The following CCDC73 variants were observed in gnomAD, a reference collection of about 807,000 sequenced individuals.
CCDC73 encodes coiled-coil domain containing 73, also known as coiled-coil domain-containing protein 73.
A neutral mutation model predicts 116.5 loss-of-function variants in CCDC73; 95 were observed. The ratio of observed to expected loss-of-function variants is 0.82; its 90% CI spans 0.69 to 0.97. The LOEUF (loss-of-function observed/expected upper bound fraction) is 0.97. Ranked by LOEUF, CCDC73 falls within the 50% of genes least tolerant of loss-of-function variation. CCDC73 has a pLI of 0.00. For missense variants in CCDC73, 1,066 were observed against 1,206.8 expected (o/e 0.88, Z 1.73); for synonymous variants, 398 against 401.3 (o/e 0.99, Z 0.10).
chr11:32,826,330 A>G, the CCDC73 span, among the ~76,000 whole-genome samples: 1 of 152,234 alleles, frequency 6.6e-6, no homozygotes, highest in South Asian at 2.1e-4. Context: ...ATAAAGTTGC[A>G]TCTCTTCAAG....
intron 2 of CCDC73, among the ~76,000 whole-genome samples, chr11:32,746,844 T>C (rs1401724045): frequency 6.6e-6 from 1 of 152,176 alleles, no homozygotes; most frequent in African/African-American, 2.4e-5. Context: ...TTCAAGGTTT[T>C]TTGCTTCCTT....
intron 6 of CCDC73, among the ~76,000 whole-genome samples, chr11:32,694,958 T>C (rs1221489175): frequency 6.6e-6 from 1 of 152,190 alleles, no homozygotes; most frequent in African/African-American, 2.4e-5. Flanking sequence ...GCTGGGAAGA[T>C]GCAACTGTTG....
At chr11:32,769,158 T>A (rs1017868001) in intron 1 of CCDC73, among the ~76,000 whole-genome samples, 1 of 152,232 alleles carries the variant, frequency 6.6e-6, no homozygotes, top group Non-Finnish European at 1.5e-5. Flanking sequence ...TAGTATTACG[T>A]TGAAGATATA....
At chr11:32,632,373 G>T (rs760939664) in intron 14 of CCDC73, among the ~76,000 whole-genome samples, 2 of 152,072 alleles carry the variant, frequency 1.3e-5, no homozygotes, top group Admixed American at 6.5e-5. Flanking sequence ...CTACAGGCGC[G>T]TGCCACCATG....
intron 3 of CCDC73, among the ~76,000 whole-genome samples, chr11:32,711,314 CATT>C (rs1165199342): frequency 2.6e-5 from 4 of 152,118 alleles, no homozygotes; most frequent in African/African-American, 9.7e-5. Context: ...GAAAAGAAGT[CATT>C]ATACCAAAAA....
chr11:32,798,872 GGGTTTTTGTTT>G (rs1306362399), upstream of CCDC73, among the ~76,000 whole-genome samples: 1 of 150,014 alleles, frequency 6.7e-6, no homozygotes, highest in Admixed American at 6.7e-5. Flanking sequence ...CAAAGTCTGT[GGGTTTTTGTTT>G]GGTTTTTGCG....
At chr11:32,730,918 C>T (rs1850071246) in intron 2 of CCDC73, among the ~76,000 whole-genome samples, 1 of 152,116 alleles carries the variant, frequency 6.6e-6, no homozygotes, top group Non-Finnish European at 1.5e-5. Flanking sequence ...GCTTGTCGGA[C>T]AGTAAGTGCA....
intron 2 of CCDC73, among the ~76,000 whole-genome samples, chr11:32,723,043 T>G (rs1460548494): frequency 6.6e-6 from 1 of 152,182 alleles, no homozygotes; most frequent in East Asian, 1.9e-4. Context: ...CAGAACAGTA[T>G]GGATTGTTAT....
intron 1 of CCDC73, among the ~76,000 whole-genome samples, chr11:32,772,427 T>A (rs762946102): frequency 6.6e-6 from 1 of 152,128 alleles, no homozygotes; most frequent in Non-Finnish European, 1.5e-5. Flanking sequence ...TTTAATTAGA[T>A]CCTAGATAGA....
At chr11:32,814,776 C>T in the CCDC73 span, among the ~76,000 whole-genome samples, 1 of 152,056 alleles carries the variant, frequency 6.6e-6, no homozygotes, top group African/African-American at 2.4e-5. Context: ...GAAAACAGCC[C>T]AAATGCCCAT....
intron 1 of CCDC73, among the ~76,000 whole-genome samples, chr11:32,761,336 C>A (rs1211462617): frequency 6.6e-6 from 1 of 152,108 alleles, no homozygotes; most frequent in Non-Finnish European, 1.5e-5. Flanking sequence ...TACTCACCCA[C>A]TGAATAACAT....
chr11:32,603,152 T>G (rs1193079033), intron 17 of CCDC73, 132 bp from the exon 18 acceptor site: 1 of 659,974 alleles, frequency 1.5e-6, no homozygotes, highest in Non-Finnish European at 2.6e-6. Context: ...CCTTAGTAGT[T>G]CTGGCACCAG....
At chr11:32,829,188 A>G in the CCDC73 span, among the ~76,000 whole-genome samples, 1 of 152,274 alleles carries the variant, frequency 6.6e-6, no homozygotes, top group Admixed American at 6.5e-5. Flanking sequence ...ATAAATCTCT[A>G]TAAAATGTAC....
rs538966704 is a variant in CCDC73 at position 32,663,610 on chromosome 11, T to A, written c.646-8638A>T. 1.7e-3 allele frequency among the ~76,000 whole-genome samples: 262 copies of A among 152,328 alleles called. 1 individual carries two copies. Among genetic ancestry groups the A allele is most frequent in the African/African-American group, 6.1e-3 (253 of 41,578 alleles). On this transcript the variant is annotated intron_variant, in intron 9 of 17. Coordinates refer to ENST00000335185, the MANE Select transcript of CCDC73 (RefSeq NM_001008391.4). Reference sequence around the variant, plus strand: ...ACAATGGGGTTTTCTAAATATACAGTCATGTCATCTGCAAACAGAGACAAT... The same window carrying A: ...ACAATGGGGTTTTCTAAATATACAGACATGTCATCTGCAAACAGAGACAAT...
At chr11:32,747,896 G>A (rs35020878) in intron 2 of CCDC73, among the ~76,000 whole-genome samples, 12,867 of 152,228 alleles carry the variant, frequency 0.085, 622 homozygotes, top group South Asian at 0.12. Context: ...GACCTCTTGC[G>A]CTTCCTGGGT....
rs1780258468 is a variant in CCDC73 at position 32,613,584 on chromosome 11, T to C, written c.2734A>G (p.Lys912Glu). The C allele has an allele frequency of 6.2e-7, 1 of 1,614,032 alleles. No homozygotes were observed. The highest frequency in any genetic ancestry group is 1.3e-5 in the African/African-American group (1 of 74,924). Residue 912 changes from lysine to glutamate, a missense_variant, in exon 16 of 18, where the codon AAA (lysine) becomes GAA (glutamate). Coordinates refer to ENST00000335185, the MANE Select transcript of CCDC73 (RefSeq NM_001008391.4). ...GTTTGACTTTCAATGTGATTTACTT[T>C]TGACCAAGGACCGGGGTCTGAAAAA... ...MNFSDPGPWS[K>E]VNHIESQTAS...
chr11:32,652,993 T>C, intron 12 of CCDC73, 130 bp downstream of exon 12: 1 of 547,412 alleles, frequency 1.8e-6, no homozygotes, highest in Middle Eastern at 3.2e-4. Context: ...AGGAAGTCAA[T>C]ATCTTACCCC....
At chr11:32,816,923 A>C in the CCDC73 span, among the ~76,000 whole-genome samples, 2 of 152,120 alleles carry the variant, frequency 1.3e-5, no homozygotes, top group African/African-American at 4.8e-5. Flanking sequence ...AACTGGAACT[A>C]CAGGCGCCTG....
chr11:32,735,353 A>G (rs1361323173), intron 2 of CCDC73, among the ~76,000 whole-genome samples: 1 of 152,254 alleles, frequency 6.6e-6, no homozygotes, highest in Admixed American at 6.5e-5. Context: ...TGCAAAAATC[A>G]CAAGCATTCT....
Sources: gnomAD v4.1 joint callset for allele counts (sites outside exome capture counted in the v4.1 genomes callset) on GRCh38, gnomAD v4.1.1 for gene constraint, MANE v1.5 for transcripts, NCBI Gene and HGNC (gene_info 2026-07-23, HGNC 2026-07-21) for gene names.